DNAL4: variants seen among roughly 807,000 people sequenced by gnomAD.
DNAL4 encodes dynein axonemal light chain 4, also known as dynein light chain, outer arm 4.
DNAL4 carries 10 observed loss-of-function variants against 12.6 expected under a neutral mutation model. The ratio of observed to expected loss-of-function variants is 0.79; its 90% CI spans 0.49 to 1.34. The LOEUF (loss-of-function observed/expected upper bound fraction) is 1.34, where lower values mean the gene tolerates loss of function less well. DNAL4 is among the 40% of genes most tolerant of loss of function. DNAL4 has a pLI of 0.00. For missense variants in DNAL4, 128 were observed against 138.1 expected, an observed-to-expected ratio of 0.93 and a Z score of 0.37; for synonymous variants, 46 against 53.1, an observed-to-expected ratio of 0.87 and a Z score of 0.58.
intron 1 of DNAL4, among the ~76,000 whole-genome samples, chr22:38,788,547 C>A (rs555462407): frequency 6.6e-6 from 1 of 152,274 alleles, no homozygotes; most frequent in South Asian, 2.1e-4. Context: ...TTCCTCATGT[C>A]CGACACCATG....
At chr22:38,791,987 G>T (rs886258823) in intron 1 of DNAL4, among the ~76,000 whole-genome samples, 2 of 151,338 alleles carry the variant, frequency 1.3e-5, no homozygotes, top group African/African-American at 4.9e-5. Flanking sequence ...TTACAGGTGT[G>T]AGCCACCATG....
chr22:38,779,646 C>A lies in DNAL4; in HGVS notation c.154-33G>T. ...GAAGAGGGCACTTATCAAGGGGGCGCAGGGCAGGTGGGGGCAGGAGTCAGG... is the reference window on the plus strand; with the variant it reads ...GAAGAGGGCACTTATCAAGGGGGCGAAGGGCAGGTGGGGGCAGGAGTCAGG... On this transcript the variant is annotated intron_variant, in intron 3 of 3. Transcript: ENST00000216068. The surrounding 1 kb of genome is among the most constrained non-coding windows in gnomAD (Gnocchi z 4.3). 6.3e-7 allele frequency: 1 copy of A among 1,577,200 alleles called. No homozygotes were observed. The highest frequency in any genetic ancestry group is 1.2e-5 in the South Asian group (1 of 86,422).
Position 38,779,140 on chromosome 22 carries a change from G to T in DNAL4, c.*309C>A, listed in dbSNP as rs58199311. ...CAGCCCTGGAGAAAGGGGGACTGGC[G>T]TGTTCCTGTGCGGAAGATCTCATCT... On this transcript the variant is annotated 3_prime_UTR_variant, in exon 4 of 4. Transcript: ENST00000216068. This position sits in a 1 kb window ranked among gnomAD's most constrained non-coding sequence, Gnocchi z 4.3. 479 of 233,250 alleles carry T rather than the reference G, an allele frequency of 2.1e-3. 4 individuals carry two copies. Among genetic ancestry groups the T allele is most frequent in the African/African-American group, 0.01 (456 of 44,562 alleles). 14.4% of individuals were successfully genotyped at this position (233,250 alleles called of 1,614,324 possible). A position where few individuals can be genotyped will look rare whatever the true frequency, so the allele number is the denominator to read the frequency against.
chr22:38,779,833 A>T lies in DNAL4; in HGVS notation c.154-220T>A, dbSNP rs1157311932. On this transcript the variant is annotated intron_variant, in intron 3 of 3. Coordinates refer to ENST00000216068, the MANE Select transcript of DNAL4 (RefSeq NM_005740.3). The surrounding 1 kb of genome is among the most constrained non-coding windows in gnomAD (Gnocchi z 4.3). ...GAAAACTAGACATTACTCAGCAGTC[A>T]AGAAGAAACTGGCTGAGGCGGGAAG... is the stretch of plus-strand genomic sequence containing the variant. Among the ~76,000 whole-genome samples the T allele has an allele frequency of 1.3e-5, 2 of 152,172 alleles. No homozygotes were observed. Among genetic ancestry groups the T allele is most frequent in the Non-Finnish European group, 2.9e-5 (2 of 68,026 alleles).
intron 1 of DNAL4, among the ~76,000 whole-genome samples, chr22:38,791,920 G>C (rs1198502151): frequency 6.6e-6 from 1 of 150,894 alleles, no homozygotes; most frequent in Non-Finnish European, 1.5e-5. Context: ...GGGCAGGCTG[G>C]TCTCCATCGC....
intron 1 of DNAL4, among the ~76,000 whole-genome samples, 167 bp downstream of exon 1, chr22:38,793,901 G>C (rs2093054749): frequency 2.0e-5 from 3 of 151,860 alleles, no homozygotes; most frequent in Admixed American, 2.0e-4. Flanking sequence ...AAGTGGGGGT[G>C]AGGGTGGGGG....
intron 1 of DNAL4, among the ~76,000 whole-genome samples, chr22:38,784,574 G>A (rs1046709626): frequency 2.7e-5 from 4 of 148,668 alleles, no homozygotes; most frequent in African/African-American, 7.5e-5. Context: ...GCAGTGGCAC[G>A]ATGTCAGCTC....
intron 2 of DNAL4, 79 bp from the exon 3 acceptor site, chr22:38,781,088 A>C: frequency 2.6e-6 from 4 of 1,526,028 alleles, no homozygotes; most frequent in Non-Finnish European, 3.6e-6. Flanking sequence ...TCTCTGTCCC[A>C]AGCTTAAGGC....
intron 1 of DNAL4, chr22:38,785,698 G>A (rs927756085): frequency 6.6e-6 from 1 of 152,262 alleles, no homozygotes; most frequent in African/African-American, 2.4e-5. Flanking sequence ...TGTCAAAGAC[G>A]AGCATTCTGC....
intron 1 of DNAL4, among the ~76,000 whole-genome samples, chr22:38,787,773 T>C (rs1050346189): frequency 1.3e-5 from 2 of 152,136 alleles, no homozygotes; most frequent in Non-Finnish European, 2.9e-5. Flanking sequence ...GCTGAGGTGG[T>C]AGTGGTGTGG....
intron 1 of DNAL4, among the ~76,000 whole-genome samples, chr22:38,791,714 GGA>G (rs1251900219): frequency 6.7e-6 from 1 of 149,448 alleles, no homozygotes; most frequent in Non-Finnish European, 1.5e-5. Flanking sequence ...TTTTTTAGAT[GGA>G]GTCTCACTCT....
At chr22:38,786,341 T>C (rs955359586) in intron 1 of DNAL4, among the ~76,000 whole-genome samples, 1 of 152,220 alleles carries the variant, frequency 6.6e-6, no homozygotes, top group Admixed American at 6.5e-5. Flanking sequence ...GGTGGATCAC[T>C]TGAGGTCAGA....
intron 1 of DNAL4, among the ~76,000 whole-genome samples, chr22:38,788,460 T>G (rs1158668887): frequency 6.6e-6 from 1 of 152,106 alleles, no homozygotes; most frequent in African/African-American, 2.4e-5. Context: ...TGCCTGGGAC[T>G]GAGGGAGGAG....
At chr22:38,792,015 CTTTA>C (rs1331880455) in intron 1 of DNAL4, among the ~76,000 whole-genome samples, 2 of 152,108 alleles carry the variant, frequency 1.3e-5, no homozygotes, top group East Asian at 3.9e-4. Flanking sequence ...ACTACTGTAA[CTTTA>C]TTTATAAACA....
At chr22:38,792,501 T>G (rs2093052426) in intron 1 of DNAL4, among the ~76,000 whole-genome samples, 1 of 152,264 alleles carries the variant, frequency 6.6e-6, no homozygotes, top group South Asian at 2.1e-4. Flanking sequence ...CAGGCTAGTC[T>G]CAAACTCTTG....
At chr22:38,793,626 A>G (rs1341845817) in intron 1 of DNAL4, among the ~76,000 whole-genome samples, 1 of 152,148 alleles carries the variant, frequency 6.6e-6, no homozygotes, top group African/African-American at 2.4e-5. Context: ...ACAGATGGGG[A>G]AACTGAGGCC....
At position 38,780,927 on chromosome 22, in the gene DNAL4, T is replaced by C. The variant is rs1219848234; in HGVS notation, c.152A>G (p.Glu51Gly). 1 of 1,614,188 alleles carries C rather than the reference T, an allele frequency of 6.2e-7. No homozygotes were observed. The highest frequency in any genetic ancestry group is 1.1e-5 in the South Asian group (1 of 91,082). ...GGCCGCCTGCACTGCTGGCAATACCTCGTTGTTGTTGGAGAATTTCTCACA... is the reference window on the plus strand; with the variant it reads ...GGCCGCCTGCACTGCTGGCAATACCCCGTTGTTGTTGGAGAATTTCTCACA... The part of the protein sequence containing the change: ...TACEKFSNNN[E>G]SAAKMIKETM... The change falls in exon 3 of 4, where the codon GAG (glutamate) becomes GGG (glycine). Residue 51 changes from glutamate (E) to glycine (G), a missense_variant and splice_region_variant. By Grantham distance (98) the Glu-to-Gly change is moderately conservative. Coordinates refer to ENST00000216068, the MANE Select transcript of DNAL4 (RefSeq NM_005740.3).
chr22:38,780,451 C>A (rs927708966), intron 3 of DNAL4, among the ~76,000 whole-genome samples: 1 of 152,244 alleles, frequency 6.6e-6, no homozygotes, highest in African/African-American at 2.4e-5. Flanking sequence ...CTTGCCTCCC[C>A]ACCGGCTGCC....
chr22:38,781,361 G>C (rs1472564596), intron 2 of DNAL4, among the ~76,000 whole-genome samples: 1 of 152,232 alleles, frequency 6.6e-6, no homozygotes, highest in Non-Finnish European at 1.5e-5. Flanking sequence ...GCCGCTGGGC[G>C]CTCTCTGGGG....
Sources: gnomAD v4.1 joint callset for allele counts (sites outside exome capture counted in the v4.1 genomes callset) on GRCh38, gnomAD v4.1.1 for gene constraint, Gnocchi (gnomAD v3.1) non-coding constraint, MANE v1.5 for transcripts, NCBI Gene and HGNC (gene_info 2026-07-23, HGNC 2026-07-21) for gene names.